Variants in SACS observed in about 807,000 individuals in gnomAD.
SACS encodes sacsin.
SACS carries 197 observed loss-of-function variants against 348.0 expected under a neutral mutation model. The observed-to-expected ratio is 0.57, with a 90% confidence interval of 0.50 to 0.64. The LOEUF (loss-of-function observed/expected upper bound fraction) is 0.64, where lower values mean the gene tolerates loss of function less well. SACS is among the 30% of genes least tolerant of loss of function. SACS has a pLI of 0.00. For synonymous variants in SACS, 1,985 were observed against 1,910.6 expected, an observed-to-expected ratio of 1.04 and a Z score of -1.02; for missense variants, 4,999 against 5,360.8, an observed-to-expected ratio of 0.93 and a Z score of 2.11.
At chr13:23,404,811 C>T (rs976320238) in intron 2 of SACS, among the ~76,000 whole-genome samples, 2 of 152,070 alleles carry the variant, frequency 1.3e-5, no homozygotes, top group African/African-American at 2.4e-5. Flanking sequence ...CATTCACAAT[C>T]GCTACAAAAA....
intron 2 of SACS, among the ~76,000 whole-genome samples, chr13:23,405,513 A>G (rs933760723): frequency 2.0e-5 from 3 of 152,234 alleles, no homozygotes; most frequent in Non-Finnish European, 1.5e-5. Flanking sequence ...TCATGACTGA[A>G]ACACCAAAAG....
rs1296705157 is a variant in SACS at position 23,334,802 on chromosome 13, G to T, written c.9074C>A (p.Pro3025Gln). The T allele has an allele frequency of 1.2e-6, 2 of 1,613,536 alleles. No homozygotes were observed. Among genetic ancestry groups the T allele is most frequent in the African/African-American group, 1.3e-5 (1 of 74,882 alleles). ...INMSTSNKTR[P>Q]FFDNLLQDEL... ...ATCCTGTAGTAAATTGTCAAAAAAT[G>T]GTCTAGTTTTATTAGAAGTAGACAT... Residue 3025 changes from proline (P) to glutamine (Q), a missense_variant, in exon 10 of 10, where the codon CCA becomes CAA. Physicochemically the swap from Pro to Gln is moderately conservative, Grantham distance 76 (BLOSUM62 -1). Around this residue, in one of 6 missense-constraint regions of SACS, gnomAD observed 734 missense variants for 694.0 expected, o/e 1.06. Coordinates refer to ENST00000382292, the MANE Select transcript of SACS (RefSeq NM_014363.6).
chr13:23,353,959 A>G (rs1870146825), intron 8 of SACS, 83 bp from the exon 9 acceptor site: 2 of 838,160 alleles, frequency 2.4e-6, no homozygotes, highest in Non-Finnish European at 4.2e-6. Context: ...TTTTCAAGTC[A>G]GTTAAGCCGA....
chr13:23,417,604 C>T (rs1873736501), intron 1 of SACS, among the ~76,000 whole-genome samples: 1 of 151,990 alleles, frequency 6.6e-6, no homozygotes, highest in African/African-American at 2.4e-5. Flanking sequence ...TATCTGAACC[C>T]CATACTGTGC....
rs148545339 is a variant in SACS, at chr13:23,334,098, C to G, written c.9778G>C (p.Asp3260His). 1.3e-4 allele frequency: 214 copies of G among 1,613,674 alleles called. No individual in the cohort carries two copies. The highest frequency in any genetic ancestry group is 1.0e-4 in the Admixed American group (6 of 59,986). Residue 3260 changes from aspartate (D) to histidine (H), a missense_variant, in exon 10 of 10, where the codon GAT becomes CAT. Transcript: ENST00000382292. ...AATGTTGGTTTTGTTTCTTCCTGAT[C>G]TTCTTTCACACTTACAGATTCACTA... is the stretch of plus-strand genomic sequence containing the variant. The part of the protein sequence containing the change: ...FISESVSVKE[D>H]QEETKPTFDI...
At chr13:23,354,067 T>C (rs1053171306) in intron 8 of SACS, among the ~76,000 whole-genome samples, 191 bp from the exon 9 acceptor site, 1 of 152,248 alleles carries the variant, frequency 6.6e-6, no homozygotes, top group Non-Finnish European at 1.5e-5. Flanking sequence ...CGTGAAGGCA[T>C]CATGTACTTT....
rs911847534 is a variant in SACS at position 23,329,574 on chromosome 13, TC to T, written c.*561del. 1.6e-5 allele frequency: 10 copies of T among 613,136 alleles called. No homozygotes were observed. Among genetic ancestry groups the T allele is most frequent in the Non-Finnish European group, 2.9e-5 (10 of 347,134 alleles). 38.0% of individuals were successfully genotyped at this position (613,136 alleles called of 1,614,324 possible). On this transcript the variant is annotated 3_prime_UTR_variant, in exon 10 of 10. Coordinates refer to ENST00000382292, the MANE Select transcript of SACS (RefSeq NM_014363.6). Reference sequence around the variant, plus strand: ...AAAAGTACTACCTTCACACTCTTAGTCAAGTAATAGGATTAAAATACTCTAC... The same window carrying T: ...AAAAGTACTACCTTCACACTCTTAGTAAGTAATAGGATTAAAATACTCTAC...
chr13:23,420,720 C>T (rs1025622997), intron 1 of SACS, among the ~76,000 whole-genome samples: 18 of 151,916 alleles, frequency 1.2e-4, no homozygotes, highest in African/African-American at 4.1e-4. Flanking sequence ...CTGAGGACTT[C>T]CTGGGCCTGG....
chr13:23,336,917 T>C lies in SACS; in HGVS notation c.6959A>G (p.Tyr2320Cys). ...LYQENITNACYKYLHEALMQN... is the reference protein window; with the variant it reads ...LYQENITNACCKYLHEALMQN... ...CATCAAGGCTTCATGAAGGTATTTG[T>C]AGCAAGCATTGGTGATATTCTCCTG... The change falls in exon 10 of 10, where the codon TAC (tyrosine) becomes TGC (cysteine). Residue 2320 changes from tyrosine to cysteine, a missense_variant. Tyr to Cys is a radical substitution (Grantham distance 194, BLOSUM62 -2). Around this residue, in one of 6 missense-constraint regions of SACS, gnomAD observed 3,156 missense variants for 3,380.1 expected, o/e 0.93. Transcript: ENST00000382292. The C allele has an allele frequency of 1.2e-6, 2 of 1,613,916 alleles. No individual in the cohort carries two copies. Among genetic ancestry groups the C allele is most frequent in the Non-Finnish European group, 1.7e-6 (2 of 1,179,802 alleles).
Position 23,338,848 on chromosome 13 carries a change from A to C in SACS, c.5028T>G (p.Phe1676Leu). ...TGATAAGCCTGTGTCCACAGAGACTAAATTCATCCACAAGAGAATAAATAT... is the reference window on the plus strand; with the variant it reads ...TGATAAGCCTGTGTCCACAGAGACTCAATTCATCCACAAGAGAATAAATAT... ...TADIYSLVDEFSLCGHRLIIF... is the reference protein window; with the variant it reads ...TADIYSLVDELSLCGHRLIIF... Residue 1676 changes from phenylalanine (F) to leucine (L), a missense_variant, in exon 10 of 10, where the codon TTT (phenylalanine) becomes TTG (leucine). By Grantham distance (22) the Phe-to-Leu change is conservative (BLOSUM62 0). Around this residue, in one of 6 missense-constraint regions of SACS, gnomAD observed 3,156 missense variants for 3,380.1 expected, o/e 0.93. Transcript: ENST00000382292. 6.2e-7 allele frequency: 1 copy of C among 1,613,038 alleles called. No homozygotes were observed. The highest frequency in any genetic ancestry group is 8.5e-7 in the Non-Finnish European group (1 of 1,179,876).
rs1258695869 is a variant in SACS at position 23,330,925 on chromosome 13, T to C, written c.12951A>G (p.Ala4317=). The C allele has an allele frequency of 1.2e-6, 2 of 1,614,152 alleles. No individual in the cohort carries two copies. The highest frequency in any genetic ancestry group is 1.7e-6 in the Non-Finnish European group (2 of 1,180,004). The change falls in exon 10 of 10, where the codon GCA becomes GCG. Residue 4317 remains alanine, a synonymous_variant. Coordinates refer to ENST00000382292, the MANE Select transcript of SACS (RefSeq NM_014363.6). ...LKEVTSVVEQ[A]WKLPESERKK... is the part of the protein sequence containing the mutation. Reference sequence around the variant, plus strand: ...TTCGTTCCGATTCTGGAAGCTTCCATGCTTGCTCCACCACAGATGTCACTT... The same window carrying C: ...TTCGTTCCGATTCTGGAAGCTTCCACGCTTGCTCCACCACAGATGTCACTT...
intron 9 of SACS, among the ~76,000 whole-genome samples, chr13:23,351,007 T>C (rs1358199818): frequency 6.6e-6 from 1 of 152,024 alleles, no homozygotes; most frequent in African/African-American, 2.4e-5. Flanking sequence ...TCAATAGAAA[T>C]CCAATGCCTG....
At chr13:23,403,076 G>C in intron 2 of SACS, among the ~76,000 whole-genome samples, 1 of 152,018 alleles carries the variant, frequency 6.6e-6, no homozygotes, top group East Asian at 1.9e-4. Flanking sequence ...TACTCGGGAG[G>C]CTGAGGCAGG....
At chr13:23,426,476 A>G (rs1205274645) in intron 1 of SACS, among the ~76,000 whole-genome samples, 1 of 152,112 alleles carries the variant, frequency 6.6e-6, no homozygotes, top group African/African-American at 2.4e-5. Context: ...CCCCGTCTCT[A>G]CGAAAATACA....
chr13:23,431,457 A>C (rs1874430120), intron 1 of SACS, among the ~76,000 whole-genome samples: 1 of 152,244 alleles, frequency 6.6e-6, no homozygotes, highest in Admixed American at 6.5e-5. Context: ...CAGGAGAAAG[A>C]CACATAAAGT....
intron 2 of SACS, among the ~76,000 whole-genome samples, chr13:23,392,975 GCA>G (rs1429376621): frequency 1.3e-5 from 2 of 152,134 alleles, no homozygotes; most frequent in African/African-American, 2.4e-5. Context: ...AACACAATAA[GCA>G]CAGACATCGG....
intron 2 of SACS, among the ~76,000 whole-genome samples, chr13:23,400,568 C>T (rs11148757): frequency 0.049 from 7,475 of 152,242 alleles, 237 homozygotes; most frequent in Non-Finnish European, 0.072. Context: ...CTACAGGTGC[C>T]CGCCACCACA....
At chr13:23,347,854 A>T (rs1220277642) in intron 9 of SACS, among the ~76,000 whole-genome samples, 2 of 152,148 alleles carry the variant, frequency 1.3e-5, no homozygotes, top group Admixed American at 6.5e-5. Context: ...AGGAAAAAGC[A>T]TGGAACTAAG....
chr13:23,390,317 AC>A (rs1254709827), intron 2 of SACS, among the ~76,000 whole-genome samples: 2 of 152,168 alleles, frequency 1.3e-5, no homozygotes, highest in South Asian at 4.1e-4. Flanking sequence ...ACTCCAAGTT[AC>A]CATTTCTACA....
Sources: gnomAD v4.1 joint callset for allele counts (sites outside exome capture counted in the v4.1 genomes callset) on GRCh38, gnomAD v4.1.1 for gene constraint, gnomAD v4.1.1 regional missense constraint, MANE v1.5 for transcripts, NCBI Gene and HGNC (gene_info 2026-07-23, HGNC 2026-07-21) for gene names.